The following PTCD3 variants were observed in gnomAD, a reference collection of about 807,000 sequenced individuals.
PTCD3 encodes the protein small ribosomal subunit protein mS39.
A neutral mutation model predicts 101.9 loss-of-function variants in PTCD3; 89 were observed. That is an observed-to-expected ratio of 0.87 (90% CI 0.74 to 1.04). PTCD3 has a LOEUF of 1.04. Among genes scored for constraint, PTCD3 ranks in the 50% least tolerant of loss-of-function variants. PTCD3 has a pLI of 0.00. For missense variants in PTCD3, 870 were observed against 828.2 expected, an observed-to-expected ratio of 1.05 and a Z score of -0.62; for synonymous variants, 296 against 278.5, an observed-to-expected ratio of 1.06 and a Z score of -0.63.
Position 86,116,920 on chromosome 2 carries a change from A to G in PTCD3, c.310-135A>G, listed in dbSNP as rs923388560. 2.4e-5 allele frequency: 15 copies of G among 622,634 alleles called. 1 individual carries two copies. The highest frequency in any genetic ancestry group is 5.5e-5 in the East Asian group (2 of 36,644). The allele number at this position is 622,634 out of a possible 1,614,324, so 38.6% of individuals were successfully genotyped here. ...CACAGTAGAAAAGGTGGGATAGTCT[A>G]TAATTTCTAATTGGGATTCTGCGTG... is the stretch of plus-strand genomic sequence containing the variant. On this transcript the variant is annotated intron_variant, in intron 5 of 23. Transcript: ENST00000254630.
chr2:86,126,682 C>A (rs1410134212), intron 12 of PTCD3, among the ~76,000 whole-genome samples: 1 of 151,804 alleles, frequency 6.6e-6, no homozygotes, highest in Non-Finnish European at 1.5e-5. Flanking sequence ...TACAAAAATA[C>A]AAAAATTAGC....
At chr2:86,109,290 C>T (rs1169864621) in intron 3 of PTCD3, among the ~76,000 whole-genome samples, 4 of 151,964 alleles carry the variant, frequency 2.6e-5, no homozygotes, top group Non-Finnish European at 5.9e-5. Context: ...GCCTGTAGTC[C>T]CAGCTACTCG....
chr2:86,129,879 G>A (rs1302385243), intron 14 of PTCD3, among the ~76,000 whole-genome samples: 1 of 152,112 alleles, frequency 6.6e-6, no homozygotes, highest in Non-Finnish European at 1.5e-5. Context: ...GAATATTGCA[G>A]ATGATTTTCT....
At chr2:86,129,953 T>A (rs1674466535) in intron 14 of PTCD3, among the ~76,000 whole-genome samples, 1 of 152,208 alleles carries the variant, frequency 6.6e-6, no homozygotes, top group Non-Finnish European at 1.5e-5. Flanking sequence ...TCTAGTTTAC[T>A]TTTTCTTGAC....
intron 16 of PTCD3, among the ~76,000 whole-genome samples, 176 bp downstream of exon 16, chr2:86,131,282 T>TC (rs1466720268): frequency 2.0e-5 from 3 of 152,092 alleles, no homozygotes; most frequent in Non-Finnish European, 4.4e-5. Flanking sequence ...GTTCACTGTG[T>TC]CCCCCATGCT....
intron 4 of PTCD3, among the ~76,000 whole-genome samples, chr2:86,113,797 TC>T (rs1049703424): frequency 2.0e-5 from 3 of 151,494 alleles, no homozygotes; most frequent in African/African-American, 2.4e-5. Flanking sequence ...TGAGACCCTG[TC>T]CCCCCCGCCA....
chr2:86,125,690 C>A, intron 11 of PTCD3, 105 bp from the exon 12 acceptor site: 1 of 1,057,258 alleles, frequency 9.5e-7, no homozygotes, highest in Non-Finnish European at 1.4e-6. Flanking sequence ...GTTTTGTGGA[C>A]ATGTGATTAG....
In PTCD3 at chr2:86,139,192, C is replaced by T. The variant is rs138075448; in HGVS notation, c.*1633C>T. On this transcript the variant is annotated 3_prime_UTR_variant, in exon 24 of 24. Coordinates refer to ENST00000254630, the MANE Select transcript of PTCD3 (RefSeq NM_017952.6). ...TGCTTATTTTATCATAGTCTTTAGC[C>T]TCTACTATGAGTAAAATGTTCTCTT... 2 of 152,288 alleles carry T rather than the reference C, an allele frequency of 1.3e-5. No homozygotes were observed. The highest frequency in any genetic ancestry group is 1.9e-4 in the East Asian group (1 of 5,182). The allele number at this position is 152,288 out of a possible 1,614,324, so 9.4% of individuals were successfully genotyped here. A position where few individuals can be genotyped will look rare whatever the true frequency, so the allele number is the denominator to read the frequency against.
rs368645963 is a variant in PTCD3 at position 86,112,355 on chromosome 2, C to CTT, written c.240+1212_240+1213dup. 9.3e-4 allele frequency among the ~76,000 whole-genome samples: 129 copies of CTT among 138,800 alleles called. 1 individual carries two copies. The highest frequency in any genetic ancestry group is 3.7e-3 in the Middle Eastern group (1 of 268). 91.1% of individuals were successfully genotyped at this position (138,800 alleles called of 152,430 possible). A position where few individuals can be genotyped will look rare whatever the true frequency, so the allele number is the denominator to read the frequency against. On this transcript the variant is annotated intron_variant, in intron 4 of 23. Coordinates refer to ENST00000254630, the MANE Select transcript of PTCD3 (RefSeq NM_017952.6). ...ACAGATGTGAGCCACAGTGCCCGGC[C>CTT]TTTTTTTTTTTTTTTTAAGAATAAA... is the stretch of plus-strand genomic sequence containing the variant.
At chr2:86,111,315 G>A (rs1558793199) in intron 4 of PTCD3, among the ~76,000 whole-genome samples, 157 bp downstream of exon 4, 2 of 152,126 alleles carry the variant, frequency 1.3e-5, no homozygotes, top group Admixed American at 6.5e-5. Flanking sequence ...TAGGCCGGGC[G>A]CGGTGGCTCA....
At chr2:86,135,884 T>C in intron 21 of PTCD3, 1 of 516,598 alleles carries the variant, frequency 1.9e-6, no homozygotes, top group Non-Finnish European at 3.9e-6. Flanking sequence ...CTGTGATGAT[T>C]GGCGCAGGGG....
At chr2:86,129,240 CA>C (rs1674453286) in intron 14 of PTCD3, among the ~76,000 whole-genome samples, 1 of 152,236 alleles carries the variant, frequency 6.6e-6, no homozygotes, top group Non-Finnish European at 1.5e-5. Context: ...CTGTAACTCT[CA>C]TCACTGGTTC....
intron 1 of PTCD3, among the ~76,000 whole-genome samples, chr2:86,107,649 C>T (rs1558791838): frequency 6.6e-6 from 1 of 152,142 alleles, no homozygotes; most frequent in Non-Finnish European, 1.5e-5. Flanking sequence ...CATATTGAAC[C>T]TCTGAAAATA....
At chr2:86,107,320 GACTTGAAAGAGTTGATCTCAGAA>G (rs1452914404) in intron 1 of PTCD3, 5 of 422,698 alleles carry the variant, frequency 1.2e-5, no homozygotes, top group East Asian at 7.2e-5. Context: ...CAAATAGTGT[GACTTGAAAGAGTTGATCTCAGAA>G]ACTTGAAAGA....
chr2:86,115,970 C>A (rs1031051736), intron 4 of PTCD3, among the ~76,000 whole-genome samples: 1 of 152,056 alleles, frequency 6.6e-6, no homozygotes, highest in African/African-American at 2.4e-5. Flanking sequence ...ATGATTCTTA[C>A]CTAGAGTTTA....
chr2:86,115,509 G>T (rs1477622536), intron 4 of PTCD3, among the ~76,000 whole-genome samples: 15 of 152,208 alleles, frequency 9.9e-5, no homozygotes, highest in Admixed American at 9.8e-4. Flanking sequence ...TTTGAAAGGG[G>T]TAGCAGAAAG....
At chr2:86,135,174 A>G (rs1436952640) in intron 21 of PTCD3, 187 bp downstream of exon 21, 2 of 527,952 alleles carry the variant, frequency 3.8e-6, no homozygotes, top group Non-Finnish European at 6.5e-6. Context: ...GAGATAAGGC[A>G]TAGTTCTCTC....
At chr2:86,125,765 C>T (rs1224107969) in intron 11 of PTCD3, 30 bp from the exon 12 acceptor site, 1 of 1,522,490 alleles carries the variant, frequency 6.6e-7, no homozygotes, top group African/African-American at 1.4e-5. Context: ...AATCTTCAAC[C>T]CCAAATTTTA....
At chr2:86,126,375 GAAA>G (rs957874336) in intron 12 of PTCD3, among the ~76,000 whole-genome samples, 10 of 151,994 alleles carry the variant, frequency 6.6e-5, no homozygotes, top group African/African-American at 2.4e-4. Flanking sequence ...CACATAAGAA[GAAA>G]AAGTTGCTTG....
Sources: allele counts gnomAD v4.1 joint callset (sites outside exome capture counted in the v4.1 genomes callset), GRCh38; gene constraint gnomAD v4.1.1; transcripts MANE v1.5; gene names NCBI Gene and HGNC (gene_info 2026-07-23, HGNC 2026-07-21).